Variants in LRRIQ3 observed in about 807,000 individuals in gnomAD.
LRRIQ3 encodes the protein leucine-rich repeat and IQ domain-containing protein 3.
LRRIQ3 carries 75 observed loss-of-function variants against 59.3 expected under a neutral mutation model. That is an observed-to-expected ratio of 1.26 (90% confidence interval 1.05 to 1.53). LRRIQ3 has a LOEUF of 1.53. LRRIQ3 is among the 40% of genes most tolerant of loss of function. The pLI, the probability that LRRIQ3 is intolerant of heterozygous loss-of-function variation, is 0.00. For synonymous variants in LRRIQ3, 250 were observed against 231.3 expected (o/e 1.08, Z -0.73); for missense variants, 831 against 710.0 (o/e 1.17, Z -1.94).
chr1:74,120,778 G>A (rs939079164), intron 4 of LRRIQ3, among the ~76,000 whole-genome samples: 2 of 151,930 alleles, frequency 1.3e-5, no homozygotes, highest in Non-Finnish European at 2.9e-5. Flanking sequence ...TAGAAAGAGT[G>A]TTAATTTTAT....
chr1:74,109,167 C>A, intron 5 of LRRIQ3: 1 of 303,072 alleles, frequency 3.3e-6, no homozygotes, highest in Non-Finnish European at 6.1e-6. Flanking sequence ...ATATATAAAG[C>A]ATAAATTATT....
At chr1:74,168,984 T>C (rs1056737216) in intron 3 of LRRIQ3, among the ~76,000 whole-genome samples, 11 of 152,162 alleles carry the variant, frequency 7.2e-5, no homozygotes, top group Non-Finnish European at 1.2e-4. Context: ...CAATACATTA[T>C]TGCAAGCTTT....
At chr1:74,051,526 C>T (rs549540084) in intron 6 of LRRIQ3, among the ~76,000 whole-genome samples, 1 of 152,134 alleles carries the variant, frequency 6.6e-6, no homozygotes, top group East Asian at 1.9e-4. Flanking sequence ...TTAAAGTGTA[C>T]AATGTAATTG....
At chr1:74,053,336 T>C (rs1303861123) in intron 6 of LRRIQ3, among the ~76,000 whole-genome samples, 1 of 152,082 alleles carries the variant, frequency 6.6e-6, no homozygotes, top group Non-Finnish European at 1.5e-5. Context: ...TGACAATAAC[T>C]TCTTTAAAAA....
chr1:74,056,767 A>G (rs1210120054), intron 6 of LRRIQ3, among the ~76,000 whole-genome samples: 2 of 152,184 alleles, frequency 1.3e-5, no homozygotes, highest in Non-Finnish European at 2.9e-5. Context: ...CAGAATTAGT[A>G]TTGTTAAAAT....
intron 5 of LRRIQ3, among the ~76,000 whole-genome samples, chr1:74,090,630 G>A (rs979825781): frequency 1.3e-5 from 2 of 152,218 alleles, no homozygotes; most frequent in South Asian, 4.1e-4. Context: ...GCTCACATCT[G>A]TAATCCCAGC....
At chr1:74,135,614 T>C (rs1037558346) in intron 4 of LRRIQ3, among the ~76,000 whole-genome samples, 1 of 151,852 alleles carries the variant, frequency 6.6e-6, no homozygotes, top group Admixed American at 6.6e-5. Flanking sequence ...TTCAAATATA[T>C]CTGGAAATAA....
In LRRIQ3 at chr1:74,156,444, GAAC is replaced by G. The variant is rs555269450; in HGVS notation, c.574-581_574-579del. On this transcript the variant is annotated intron_variant, in intron 3 of 7. Coordinates refer to ENST00000354431, the MANE Select transcript of LRRIQ3 (RefSeq NM_001105659.2). ...ATACATTTTTATTATTAGAGTAAAAGAACAATAATTAGTAGCATCAAGTAATTT... is the reference window on the plus strand; with the variant it reads ...ATACATTTTTATTATTAGAGTAAAAGAATAATTAGTAGCATCAAGTAATTT... Among the ~76,000 whole-genome samples, 425 of 152,014 alleles carry G rather than the reference GAAC, an allele frequency of 2.8e-3. 3 individuals carry two copies. Among genetic ancestry groups the G allele is most frequent in the Admixed American group, 5.4e-3 (83 of 15,258 alleles).
At chr1:74,110,424 G>A (rs190067192) in intron 4 of LRRIQ3, among the ~76,000 whole-genome samples, 1 of 151,960 alleles carries the variant, frequency 6.6e-6, no homozygotes, top group Admixed American at 6.6e-5. Context: ...ACAAATTAGT[G>A]GAGGAAAAAA....
chr1:74,094,059 C>T (rs1312607124), intron 5 of LRRIQ3, among the ~76,000 whole-genome samples: 2 of 151,920 alleles, frequency 1.3e-5, no homozygotes, highest in African/African-American at 2.4e-5. Context: ...ACTGGCTTGC[C>T]GATGACAACC....
intron 4 of LRRIQ3, among the ~76,000 whole-genome samples, chr1:74,141,437 GA>G (rs559522657): frequency 3.3e-5 from 5 of 149,936 alleles, no homozygotes; most frequent in Admixed American, 6.7e-5. Context: ...GCTTTTTCAA[GA>G]AAAAAAAATC....
chr1:74,086,416 T>A (rs1646327887), intron 5 of LRRIQ3, among the ~76,000 whole-genome samples: 1 of 152,142 alleles, frequency 6.6e-6, no homozygotes, highest in Non-Finnish European at 1.5e-5. Flanking sequence ...GTTGCTCAAC[T>A]CTTTCTTGCC....
chr1:74,116,900 A>G (rs1453965548), intron 4 of LRRIQ3, among the ~76,000 whole-genome samples: 1 of 152,114 alleles, frequency 6.6e-6, no homozygotes, highest in Non-Finnish European at 1.5e-5. Flanking sequence ...AATTCAAACG[A>G]TTATTAATTT....
intron 1 of LRRIQ3, among the ~76,000 whole-genome samples, chr1:74,195,660 T>G (rs1651068243): frequency 6.6e-6 from 1 of 152,218 alleles, no homozygotes; most frequent in African/African-American, 2.4e-5. Context: ...ATTTTTCAAT[T>G]TATTATAGTC....
At chr1:74,032,866 G>A in intron 7 of LRRIQ3, among the ~76,000 whole-genome samples, 1 of 151,942 alleles carries the variant, frequency 6.6e-6, no homozygotes, top group Non-Finnish European at 1.5e-5. Flanking sequence ...AATTATAAGA[G>A]GAGAGTTTAT....
intron 3 of LRRIQ3, among the ~76,000 whole-genome samples, chr1:74,176,131 A>T (rs898969028): frequency 4.6e-5 from 7 of 151,870 alleles, no homozygotes; most frequent in African/African-American, 7.3e-5. Context: ...TCCTTTAGCT[A>T]TTATTTTAGG....
chr1:74,135,474 C>G (rs950134549), intron 4 of LRRIQ3, among the ~76,000 whole-genome samples: 1 of 151,802 alleles, frequency 6.6e-6, no homozygotes, highest in African/African-American at 2.4e-5. Context: ...GAAACATTCT[C>G]CAGGATATAT....
intron 4 of LRRIQ3, among the ~76,000 whole-genome samples, chr1:74,142,666 A>C (rs1647310415): frequency 6.6e-6 from 1 of 152,050 alleles, no homozygotes; most frequent in African/African-American, 2.4e-5. Context: ...ATGGCCACAA[A>C]TGCTTGCTTA....
intron 4 of LRRIQ3, among the ~76,000 whole-genome samples, chr1:74,118,150 T>A (rs1353288982): frequency 6.6e-6 from 1 of 152,206 alleles, no homozygotes; most frequent in African/African-American, 2.4e-5. Context: ...CACTCACATG[T>A]ATATGTACAC....
Sources: gnomAD v4.1 joint callset for allele counts (sites outside exome capture counted in the v4.1 genomes callset) on GRCh38, gnomAD v4.1.1 for gene constraint, MANE v1.5 for transcripts, NCBI Gene and HGNC (gene_info 2026-07-23, HGNC 2026-07-21) for gene names.